The following DMD variants were observed in gnomAD, a reference collection of about 807,000 sequenced individuals.
The protein encoded by DMD is dystrophin, also known as mutant dystrophin.
A neutral mutation model predicts 330.1 loss-of-function variants in DMD; 63 were observed. The ratio of observed to expected loss-of-function variants is 0.19; its 90% CI spans 0.16 to 0.24. DMD has a LOEUF of 0.24. Among genes scored for constraint, DMD ranks in the 10% least tolerant of loss-of-function variants. The probability of loss-of-function intolerance (pLI) is 1.00; values close to 1 mark genes in which losing one functional copy is unlikely to be tolerated. For missense variants in DMD, 3,344 were observed against 2,684.1 expected (o/e 1.25, Z -5.43); for synonymous variants, 1,223 against 959.8 (o/e 1.27, Z -5.07).
At chrX:32,166,755 T>C (rs1254471283) in intron 44 of DMD, among the ~76,000 whole-genome samples, 4 of 111,450 alleles carry the variant, frequency 3.6e-5, no homozygotes, top group Non-Finnish European at 7.5e-5. Context: ...GTCATGCAGA[T>C]TGGCTTAATA....
At chrX:33,302,400 C>A (rs2053678897) in intron 1 of DMD, among the ~76,000 whole-genome samples, 1 of 111,845 alleles carries the variant, frequency 8.9e-6, no homozygotes, top group African/African-American at 3.2e-5. Context: ...GACTCTTCTA[C>A]TGTATTCACC....
intron 57 of DMD, among the ~76,000 whole-genome samples, chrX:31,483,917 C>G (rs891417727): frequency 3.6e-5 from 4 of 111,652 alleles, no homozygotes; most frequent in African/African-American, 1.3e-4. Context: ...CAAGCAACTA[C>G]TATGTATCAG....
chrX:31,733,168 G>A (rs1192668726), intron 51 of DMD, among the ~76,000 whole-genome samples: 6 of 111,575 alleles, frequency 5.4e-5, no homozygotes, highest in Non-Finnish European at 1.1e-4. Flanking sequence ...TGAATCAGAA[G>A]TCTTTAATCT....
At chrX:32,108,319 GA>G in intron 44 of DMD, among the ~76,000 whole-genome samples, 1 of 112,019 alleles carries the variant, frequency 8.9e-6, no homozygotes, top group African/African-American at 3.2e-5. Context: ...TTAAAAATGT[GA>G]AAGAATGAAA....
At chrX:32,819,848 TAA>T (rs35344665) in intron 5 of DMD, among the ~76,000 whole-genome samples, 6,053 of 80,856 alleles carry the variant, frequency 0.075, 476 homozygotes, top group African/African-American at 0.24. Flanking sequence ...AATGTTGGTG[TAA>T]AAAAAAAAAA....
intron 7 of DMD, among the ~76,000 whole-genome samples, chrX:32,787,217 T>TGTGTGTGTGTGC (rs1299873979): frequency 1.4e-3 from 65 of 46,335 alleles, no homozygotes; most frequent in African/African-American, 4.1e-3. Context: ...CTGTCAAGTG[T>TGTGTGTGTGTGC]GTGTGTGTGT....
intron 9 of DMD, among the ~76,000 whole-genome samples, chrX:32,659,865 C>A (rs1054895525): frequency 2.7e-5 from 3 of 110,557 alleles, no homozygotes; most frequent in Non-Finnish European, 5.7e-5. Context: ...TCTTCCTATT[C>A]CTTTCCTATT....
chrX:32,266,737 TA>T (rs1275414060), intron 43 of DMD, among the ~76,000 whole-genome samples: 1 of 112,253 alleles, frequency 8.9e-6, no homozygotes, highest in East Asian at 2.8e-4. Flanking sequence ...TCTGTCTTTT[TA>T]TTTTTGATTA....
intron 50 of DMD, among the ~76,000 whole-genome samples, chrX:31,786,875 G>A (rs1318184018): frequency 9.0e-6 from 1 of 111,615 alleles, no homozygotes; most frequent in African/African-American, 3.3e-5. Flanking sequence ...TTTTCTCTCT[G>A]CCCAATACTG....
intron 65 of DMD, among the ~76,000 whole-genome samples, 196 bp from the exon 66 acceptor site, chrX:31,206,863 A>G (rs2044124509): frequency 9.0e-6 from 1 of 111,686 alleles, no homozygotes; most frequent in African/African-American, 3.3e-5. Flanking sequence ...CTGATGACCT[A>G]CAATGCAATG....
intron 11 of DMD, among the ~76,000 whole-genome samples, chrX:32,618,419 C>A (rs868534890): frequency 9.0e-6 from 1 of 111,408 alleles, no homozygotes; most frequent in Non-Finnish European, 1.9e-5. Flanking sequence ...AAACAGAAAA[C>A]CAAATACACC....
chrX:31,221,301 A>C (rs190343715), intron 64 of DMD, among the ~76,000 whole-genome samples: 1 of 111,950 alleles, frequency 8.9e-6, no homozygotes, highest in East Asian at 2.8e-4. Flanking sequence ...AACCTTGCAC[A>C]ATCTGCTTCC....
chrX:32,804,546 G>T (rs995142804), intron 7 of DMD, among the ~76,000 whole-genome samples: 13 of 112,619 alleles, frequency 1.2e-4, no homozygotes, highest in Admixed American at 4.7e-4. Context: ...TGTGGGTGCA[G>T]CATCAGCAGA....
At chrX:32,942,905 T>C (rs1388395844) in intron 2 of DMD, among the ~76,000 whole-genome samples, 1 of 111,557 alleles carries the variant, frequency 9.0e-6, no homozygotes, top group Non-Finnish European at 1.9e-5. Context: ...TTTTATCATG[T>C]GAAGGGTTAA....
chrX:33,014,126 T>C (rs1490593537), intron 2 of DMD, among the ~76,000 whole-genome samples: 1 of 111,493 alleles, frequency 9.0e-6, no homozygotes, highest in Non-Finnish European at 1.9e-5. Context: ...AAATTTGCAA[T>C]CAGTCAGATT....
intron 44 of DMD, among the ~76,000 whole-genome samples, chrX:32,042,092 T>C (rs2096011834): frequency 2.2e-5 from 2 of 91,491 alleles, no homozygotes; most frequent in South Asian, 1.1e-3. Flanking sequence ...CACACACATA[T>C]GTATACATAT....
At chrX:31,385,509 A>G (rs1214953283) in intron 60 of DMD, among the ~76,000 whole-genome samples, 1 of 112,421 alleles carries the variant, frequency 8.9e-6, no homozygotes, top group African/African-American at 3.2e-5. Flanking sequence ...GAAGATATTT[A>G]TTGTTGCTTT....
chrX:31,639,612 C>A (rs937007482), intron 54 of DMD, among the ~76,000 whole-genome samples: 20 of 111,909 alleles, frequency 1.8e-4, no homozygotes, highest in African/African-American at 6.5e-4. Context: ...TGGTGTCATT[C>A]TGCATTTGTT....
chrX:32,331,699 C>G (rs1603630924), intron 41 of DMD, among the ~76,000 whole-genome samples: 1 of 111,506 alleles, frequency 9.0e-6, no homozygotes, highest in African/African-American at 3.3e-5. Flanking sequence ...GAGCCATAAT[C>G]TAACTATAAA....
Sources: allele counts gnomAD v4.1 joint callset (sites outside exome capture counted in the v4.1 genomes callset), GRCh38; gene constraint gnomAD v4.1.1; transcripts MANE v1.5; gene names NCBI Gene and HGNC (gene_info 2026-07-23, HGNC 2026-07-21).